SOBP: variants seen among roughly 807,000 people sequenced by gnomAD.
The protein encoded by SOBP is sine oculis-binding protein homolog.
In SOBP, 4 loss-of-function variants were observed where a neutral mutation model predicts 53.6. That is an observed-to-expected ratio of 0.07 (90% CI 0.04 to 0.17). The LOEUF is 0.17. Ranked by LOEUF, SOBP falls within the 10% of genes least tolerant of loss-of-function variation. The probability of loss-of-function intolerance (pLI) is 1.00; values close to 1 mark genes in which losing one functional copy is unlikely to be tolerated. For missense variants in SOBP, 1,088 were observed against 1,204.7 expected (o/e 0.90, Z 1.43); for synonymous variants, 584 against 522.6 (o/e 1.12, Z -1.60).
At chr6:107,564,020 A>C (rs920381441) in intron 4 of SOBP, among the ~76,000 whole-genome samples, 8 of 152,344 alleles carry the variant, frequency 5.3e-5, no homozygotes, top group South Asian at 2.1e-4. Flanking sequence ...TGGGTAGTCT[A>C]AGTTTCCTTC....
At chr6:107,516,377 G>A (rs971618321) in intron 3 of SOBP, among the ~76,000 whole-genome samples, 3 of 151,826 alleles carry the variant, frequency 2.0e-5, no homozygotes, top group Admixed American at 6.6e-5. Context: ...TGGGAGAATT[G>A]TTGGAACCCA....
intron 5 of SOBP, among the ~76,000 whole-genome samples, chr6:107,616,470 C>G (rs1335611719): frequency 1.3e-5 from 2 of 152,214 alleles, no homozygotes; most frequent in Admixed American, 6.5e-5. Flanking sequence ...TTCAGTACAT[C>G]TAGCTTCCTC....
intron 6 of SOBP, among the ~76,000 whole-genome samples, chr6:107,648,818 A>G (rs1771673525): frequency 6.6e-6 from 1 of 152,146 alleles, no homozygotes; most frequent in Non-Finnish European, 1.5e-5. Context: ...ATAGTAATAA[A>G]TATTTCAGTA....
intron 4 of SOBP, among the ~76,000 whole-genome samples, chr6:107,572,609 T>C (rs909146177): frequency 1.3e-5 from 2 of 152,182 alleles, no homozygotes; most frequent in African/African-American, 4.8e-5. Flanking sequence ...TGGCCTTAAT[T>C]TGCACACTTT....
intron 1 of SOBP, among the ~76,000 whole-genome samples, chr6:107,496,077 G>T (rs182344740): frequency 2.6e-5 from 4 of 152,180 alleles, no homozygotes; most frequent in Non-Finnish European, 4.4e-5. Flanking sequence ...AGTGAGATTT[G>T]CTGAATGTAT....
chr6:107,587,262 A>C, intron 5 of SOBP, 87 bp downstream of exon 5: 5 of 1,004,244 alleles, frequency 5.0e-6, no homozygotes, highest in Non-Finnish European at 6.3e-6. Context: ...ATGATTACAT[A>C]ATTGATGAAA....
chr6:107,627,613 A>G (rs1277906562), intron 5 of SOBP, among the ~76,000 whole-genome samples: 1 of 152,208 alleles, frequency 6.6e-6, no homozygotes, highest in Non-Finnish European at 1.5e-5. Flanking sequence ...AGAGCAAGCT[A>G]GAGAATGAAT....
chr6:107,572,012 C>A (rs931967265), intron 4 of SOBP, among the ~76,000 whole-genome samples: 1 of 152,082 alleles, frequency 6.6e-6, no homozygotes, highest in Non-Finnish European at 1.5e-5. Flanking sequence ...TGAAATAAAT[C>A]GGTAAAATAA....
At chr6:107,513,497 A>G (rs565053860) in intron 3 of SOBP, among the ~76,000 whole-genome samples, 2 of 152,320 alleles carry the variant, frequency 1.3e-5, no homozygotes, top group Non-Finnish European at 2.9e-5. Flanking sequence ...AATGGGAATG[A>G]GAATGTGGTT....
chr6:107,518,996 G>T (rs1200147003), intron 3 of SOBP, among the ~76,000 whole-genome samples: 1 of 151,738 alleles, frequency 6.6e-6, no homozygotes, highest in African/African-American at 2.4e-5. Context: ...ATTACCAAGT[G>T]AAATGCAAAT....
At position 107,635,032 on chromosome 6, in the gene SOBP, G is replaced by C; in HGVS notation, c.2188G>C (p.Ala730Pro). Residue 730 changes from alanine to proline, a missense_variant, in exon 6 of 7, where the codon GCC becomes CCC. By Grantham distance (27) the Ala-to-Pro change is conservative. Around this residue, in one of 6 missense-constraint regions of SOBP, gnomAD observed 665 missense variants for 629.7 expected, o/e 1.06. Transcript: ENST00000317357. This position sits in a 1 kb window ranked among gnomAD's most constrained non-coding sequence, Gnocchi z 4.5. ...CGTCATCGTGAACGGCACGCGCGGC[G>C]CCGCCGCCGAGGGCGCTAAGAGCGC... ...CNVIVNGTRG[A>P]AAEGAKSAEP... 1 of 1,242,722 alleles carries C rather than the reference G, an allele frequency of 8.0e-7. No homozygotes were observed. The highest frequency in any genetic ancestry group is 1.0e-6 in the Non-Finnish European group (1 of 992,820). 77.0% of individuals were successfully genotyped at this position (1,242,722 alleles called of 1,614,324 possible). A position where few individuals can be genotyped will look rare whatever the true frequency, so the allele number is the denominator to read the frequency against.
At chr6:107,529,590 A>T in intron 3 of SOBP, 2 of 985,358 alleles carry the variant, frequency 2.0e-6, no homozygotes, top group Non-Finnish European at 2.4e-6. Context: ...TGCCCTACTG[A>T]TTTTCTTTGG....
At chr6:107,559,217 C>T (rs965495837) in intron 4 of SOBP, among the ~76,000 whole-genome samples, 4 of 151,940 alleles carry the variant, frequency 2.6e-5, no homozygotes, top group Non-Finnish European at 4.4e-5. Flanking sequence ...AGCTTATAAA[C>T]GAGTAGATTT....
At chr6:107,602,363 G>T (rs1365728536) in intron 5 of SOBP, among the ~76,000 whole-genome samples, 3 of 152,152 alleles carry the variant, frequency 2.0e-5, no homozygotes, top group Non-Finnish European at 4.4e-5. Flanking sequence ...GAATACTTGA[G>T]AAAATCAGAC....
intron 4 of SOBP, among the ~76,000 whole-genome samples, chr6:107,567,254 C>A (rs1465431112): frequency 6.6e-6 from 1 of 152,142 alleles, no homozygotes; most frequent in African/African-American, 2.4e-5. Context: ...CCTCTTCAGT[C>A]CTGCTCCTTG....
In SOBP at chr6:107,658,478, AC is replaced by A. The variant is rs1328497034; in HGVS notation, c.*279del. On this transcript the variant is annotated 3_prime_UTR_variant, in exon 7 of 7. Coordinates refer to ENST00000317357, the MANE Select transcript of SOBP (RefSeq NM_018013.4). ...CTCCCCAGAGGAACTTAGGGATTTC[AC>A]CCCTGGCTTTTAAAAAAAACGAAAT... 6.6e-6 allele frequency: 1 copy of A among 151,986 alleles called. No individual in the cohort carries two copies. The highest frequency in any genetic ancestry group is 1.5e-5 in the Non-Finnish European group (1 of 67,888). 9.4% of individuals were successfully genotyped at this position (151,986 alleles called of 1,614,324 possible).
At chr6:107,629,190 A>G (rs138589370) in intron 5 of SOBP, among the ~76,000 whole-genome samples, 5 of 124,564 alleles carry the variant, frequency 4.0e-5, no homozygotes, top group Non-Finnish European at 8.8e-5. Context: ...TTTTTGTTTT[A>G]TTTTTCAAAT....
intron 4 of SOBP, among the ~76,000 whole-genome samples, chr6:107,550,880 A>G (rs781070059): frequency 2.6e-5 from 4 of 152,292 alleles, no homozygotes; most frequent in Non-Finnish European, 4.4e-5. Context: ...AAACAATACT[A>G]CATAACTTAA....
chr6:107,629,835 T>C (rs577129807), intron 5 of SOBP, among the ~76,000 whole-genome samples: 1 of 152,356 alleles, frequency 6.6e-6, no homozygotes, highest in South Asian at 2.1e-4. Context: ...TTCTGTTGTT[T>C]AGAGTTGGAC....
Sources: allele counts gnomAD v4.1 joint callset (sites outside exome capture counted in the v4.1 genomes callset), GRCh38; gene constraint gnomAD v4.1.1; regional missense constraint gnomAD v4.1.1; non-coding constraint Gnocchi (gnomAD v3.1); transcripts MANE v1.5; gene names NCBI Gene and HGNC (gene_info 2026-07-23, HGNC 2026-07-21).